Variants in CEACAM3 observed in about 807,000 individuals in gnomAD.
The protein encoded by CEACAM3 is CEA cell adhesion molecule 3.
In CEACAM3, 32 loss-of-function variants were observed where a neutral mutation model predicts 30.1. That is an observed-to-expected ratio of 1.06 (90% confidence interval 0.80 to 1.43). CEACAM3 has a LOEUF of 1.43. Ranked by LOEUF, CEACAM3 falls within the 40% of genes most tolerant of loss-of-function variation. The pLI is 0.00. For missense variants in CEACAM3, 290 were observed against 316.3 expected (o/e 0.92, Z 0.63); for synonymous variants, 134 against 127.2 (o/e 1.05, Z -0.36).
chr19:41,799,220 T>C (rs1024165344), intron 2 of CEACAM3, among the ~76,000 whole-genome samples: 16 of 152,312 alleles, frequency 1.1e-4, no homozygotes, highest in African/African-American at 3.6e-4. Context: ...CATGGGGGGC[T>C]GTTTCTCATG....
chr19:41,807,626 C>A, intron 2 of CEACAM3: 1 of 1,202,500 alleles, frequency 8.3e-7, no homozygotes, highest in Non-Finnish European at 1.1e-6. Context: ...AGGTGAATAT[C>A]TCAGACCCAG....
intron 1 of CEACAM3, chr19:41,797,306 A>T: frequency 2.3e-6 from 1 of 429,848 alleles, no homozygotes; most frequent in Non-Finnish European, 4.2e-6. Flanking sequence ...TCTCTAGAGG[A>T]GGTGTCAGGG....
At chr19:41,806,914 C>T (rs1329082006) in intron 2 of CEACAM3, among the ~76,000 whole-genome samples, 1 of 152,096 alleles carries the variant, frequency 6.6e-6, no homozygotes, top group African/African-American at 2.4e-5. Context: ...GTCTCGATCT[C>T]GTGACCTCGT....
At chr19:41,808,744 G>T in intron 2 of CEACAM3, 69 bp from the exon 3 acceptor site, 2 of 1,281,346 alleles carry the variant, frequency 1.6e-6, no homozygotes, top group Non-Finnish European at 2.3e-6. Flanking sequence ...CACCTTCCCT[G>T]CAAGGCCCCT....
At chr19:41,802,187 G>C (rs182515466) in intron 2 of CEACAM3, among the ~76,000 whole-genome samples, 1 of 152,144 alleles carries the variant, frequency 6.6e-6, no homozygotes, top group African/African-American at 2.4e-5. Context: ...AGTCCCCAAA[G>C]CTCATGGCTC....
intron 2 of CEACAM3, among the ~76,000 whole-genome samples, chr19:41,801,294 G>T (rs551858442): frequency 6.6e-6 from 1 of 152,286 alleles, no homozygotes; most frequent in Non-Finnish European, 1.5e-5. Context: ...CAGAGCCCCT[G>T]CCAGGCTTCA....
chr19:41,808,879 T>G lies in CEACAM3; in HGVS notation c.491T>G (p.Val164Gly). 1 of 1,609,106 alleles carries G rather than the reference T, an allele frequency of 6.2e-7. No individual in the cohort carries two copies. Among genetic ancestry groups the G allele is most frequent in the Non-Finnish European group, 8.5e-7 (1 of 1,177,640 alleles). The stretch of plus-strand genomic sequence containing the variant: ...ATCGTGACCGGGGTCCTGGTCGGAG[T>G]GGCGCTGGTGGCCGCGCTGGTGTGT... ...AGIVTGVLVG[V>G]ALVAALVCFL... The change falls in exon 3 of 7, where the codon GTG becomes GGG. Residue 164 changes from valine to glycine, a missense_variant. Transcript: ENST00000357396.
chr19:41,806,627 A>G (rs1345389112), intron 2 of CEACAM3, among the ~76,000 whole-genome samples: 2 of 152,162 alleles, frequency 1.3e-5, no homozygotes, highest in Non-Finnish European at 2.9e-5. Flanking sequence ...ACGGTCATGC[A>G]TCTGTCTGTG....
At chr19:41,806,001 GTTGT>G (rs1568741899) in intron 2 of CEACAM3, among the ~76,000 whole-genome samples, 2,972 of 48,022 alleles carry the variant, frequency 0.062, 110 homozygotes, top group African/African-American at 0.095. Context: ...TCCTGTTGTT[GTTGT>G]TTGTTGTTGT....
intron 2 of CEACAM3, among the ~76,000 whole-genome samples, chr19:41,804,440 A>G (rs548868210): frequency 8.3e-4 from 127 of 152,342 alleles, no homozygotes; most frequent in African/African-American, 2.9e-3. Flanking sequence ...AAGGTGTTTC[A>G]TATGCCTGTT....
chr19:41,810,107 G>T, intron 4 of CEACAM3, 90 bp downstream of exon 4: 2 of 1,412,778 alleles, frequency 1.4e-6, no homozygotes, highest in South Asian at 2.4e-5. Context: ...GGCAGACTCT[G>T]ATCCTTTCCC....
Position 41,811,208 on chromosome 19 carries a change from A to T in CEACAM3, c.730A>T (p.Met244Leu). The change falls in exon 7 of 7, where the codon ATG (methionine) becomes TTG (leucine). Residue 244 changes from methionine to leucine, a missense_variant. By Grantham distance (15) the Met-to-Leu change is conservative. Transcript: ENST00000357396. ...LKHDTNIYCRMDHKAEVAS is the reference protein window; with the variant it reads ...LKHDTNIYCRLDHKAEVAS ...ACATGACACAAACATTTACTGCCGG[A>T]TGGACCACAAAGCAGAAGTGGCTTC... 6.2e-7 allele frequency: 1 copy of T among 1,614,050 alleles called. No individual in the cohort carries two copies. Among genetic ancestry groups the T allele is most frequent in the Non-Finnish European group, 8.5e-7 (1 of 1,179,998 alleles).
intron 1 of CEACAM3, 193 bp from the exon 2 acceptor site, chr19:41,797,396 G>C (rs970009920): frequency 7.4e-6 from 5 of 677,424 alleles, no homozygotes; most frequent in Non-Finnish European, 1.2e-5. Context: ...CCTGGGGAAG[G>C]GGATTCCACA....
intron 3 of CEACAM3, chr19:41,809,229 TAGGG>T (rs782162153): frequency 2.1e-4 from 48 of 230,214 alleles, no homozygotes; most frequent in South Asian, 5.7e-4. Flanking sequence ...GGGAGGGAAG[TAGGG>T]AGGGAGGGAG....
intron 2 of CEACAM3, chr19:41,807,348 T>G: frequency 6.2e-7 from 1 of 1,606,622 alleles, no homozygotes; most frequent in Admixed American, 1.7e-5. Flanking sequence ...CCGAACCCAG[T>G]GGGTGCCAGC....
intron 3 of CEACAM3, 107 bp downstream of exon 3, chr19:41,809,037 A>G (rs947710839): frequency 1.3e-6 from 1 of 777,264 alleles, no homozygotes; most frequent in Admixed American, 2.6e-5. Context: ...CGGCCTCCCA[A>G]GTCCCCAGGG....
Position 41,806,995 on chromosome 19 carries a change from G to A in CEACAM3, c.425-1818G>A. The A allele has an allele frequency of 2.6e-6, 4 of 1,537,720 alleles. No homozygotes were observed. The South Asian group carries it at 3.6e-5, about 14-fold the overall frequency. On this transcript the variant is annotated intron_variant, in intron 2 of 6. Transcript: ENST00000357396. Reference sequence around the variant, plus strand: ...AGCCACCGCACCCGGCCTTGTCTTGGTCTTTTAAGGAGTGGAGTTGGCCAA... The same window carrying A: ...AGCCACCGCACCCGGCCTTGTCTTGATCTTTTAAGGAGTGGAGTTGGCCAA...
intron 3 of CEACAM3, 126 bp from the exon 4 acceptor site, chr19:41,809,839 C>A: frequency 2.2e-6 from 2 of 906,270 alleles, no homozygotes; most frequent in East Asian, 2.4e-5. Context: ...CTAACACAAA[C>A]CTGAGGGAGA....
intron 2 of CEACAM3, among the ~76,000 whole-genome samples, chr19:41,800,669 T>C (rs1209389843): frequency 2.0e-5 from 3 of 152,146 alleles, no homozygotes; most frequent in Non-Finnish European, 4.4e-5. Flanking sequence ...GCATAAGCTG[T>C]CTTTCTCTTT....
Sources: gnomAD v4.1 joint callset for allele counts (sites outside exome capture counted in the v4.1 genomes callset) on GRCh38, gnomAD v4.1.1 for gene constraint, MANE v1.5 for transcripts, NCBI Gene and HGNC (gene_info 2026-07-23, HGNC 2026-07-21) for gene names.